Variants in PLXDC2 observed in about 807,000 individuals in gnomAD.
PLXDC2 encodes the protein plexin domain-containing protein 2.
In PLXDC2, 40 loss-of-function variants were observed where a neutral mutation model predicts 68.9. The ratio of observed to expected loss-of-function variants is 0.58; its 90% CI spans 0.45 to 0.76. PLXDC2 has a LOEUF of 0.76. Ranked by LOEUF, PLXDC2 falls within the 30% of genes least tolerant of loss-of-function variation. The probability of loss-of-function intolerance (pLI) is 0.00; values close to 1 mark genes in which losing one functional copy is unlikely to be tolerated. For missense variants in PLXDC2, 644 were observed against 661.9 expected (o/e 0.97, Z 0.30); for synonymous variants, 243 against 234.2 (o/e 1.04, Z -0.34).
chr10:19,991,246 C>CGAA (rs1834744853), intron 1 of PLXDC2, among the ~76,000 whole-genome samples: 10 of 130,640 alleles, frequency 7.7e-5, no homozygotes, highest in African/African-American at 2.8e-4. Flanking sequence ...AACTCTCTCT[C>CGAA]AAAAAAAAAA....
intron 1 of PLXDC2, among the ~76,000 whole-genome samples, chr10:19,994,842 G>A (rs992526909): frequency 2.0e-5 from 3 of 151,280 alleles, no homozygotes; most frequent in African/African-American, 7.3e-5. Context: ...TCCCGTGTTC[G>A]AGTAATTCTC....
At chr10:20,235,066 T>C (rs1031743569) in intron 12 of PLXDC2, among the ~76,000 whole-genome samples, 4 of 152,236 alleles carry the variant, frequency 2.6e-5, no homozygotes, top group Non-Finnish European at 5.9e-5. Flanking sequence ...GCTAGACTTT[T>C]GTTTTTCAAA....
chr10:19,828,674 T>C (rs764338603), intron 1 of PLXDC2, among the ~76,000 whole-genome samples: 27 of 152,320 alleles, frequency 1.8e-4, no homozygotes, highest in Non-Finnish European at 3.1e-4. Flanking sequence ...GCAAAACAGC[T>C]CCATGCAGGA....
intron 2 of PLXDC2, among the ~76,000 whole-genome samples, chr10:20,005,430 A>C (rs936686605): frequency 1.3e-5 from 2 of 152,192 alleles, no homozygotes; most frequent in Non-Finnish European, 2.9e-5. Context: ...TGCGGAAACA[A>C]AAATCTACCT....
At chr10:19,886,241 A>G (rs542832734) in intron 1 of PLXDC2, among the ~76,000 whole-genome samples, 149 of 152,304 alleles carry the variant, frequency 9.8e-4, no homozygotes, top group African/African-American at 3.5e-3. Context: ...TTATCAGCTT[A>G]AGGAGATTTT....
At chr10:20,138,433 G>A (rs1473463885) in intron 4 of PLXDC2, among the ~76,000 whole-genome samples, 2 of 152,100 alleles carry the variant, frequency 1.3e-5, no homozygotes, top group Non-Finnish European at 2.9e-5. Flanking sequence ...CTTTTGTAAG[G>A]CTGGACACAT....
At chr10:19,909,271 A>G (rs1487002750) in intron 1 of PLXDC2, among the ~76,000 whole-genome samples, 2 of 152,220 alleles carry the variant, frequency 1.3e-5, no homozygotes, top group African/African-American at 2.4e-5. Context: ...CACAGATGAG[A>G]TCGTGAAGCT....
chr10:20,188,160 A>G (rs1466751629), intron 9 of PLXDC2, among the ~76,000 whole-genome samples: 1 of 151,676 alleles, frequency 6.6e-6, no homozygotes, highest in Non-Finnish European at 1.5e-5. Flanking sequence ...TATATATTAA[A>G]ATAGTTAAAA....
Position 20,280,009 on chromosome 10 carries a change from C to G in PLXDC2, c.*190C>G. ...GGTAAACAAAAAACTAAAACTTATA[C>G]AAGATACCATTTACACTGAACATAG... On this transcript the variant is annotated 3_prime_UTR_variant, in exon 14 of 14. Coordinates refer to ENST00000377252, the MANE Select transcript of PLXDC2 (RefSeq NM_032812.9). 1.8e-6 allele frequency: 1 copy of G among 567,010 alleles called. No homozygotes were observed. Among genetic ancestry groups the G allele is most frequent in the Non-Finnish European group, 3.1e-6 (1 of 319,320 alleles). The allele number at this position is 567,010 out of a possible 1,614,324, so 35.1% of individuals were successfully genotyped here.
intron 4 of PLXDC2, among the ~76,000 whole-genome samples, chr10:20,089,310 G>A (rs748777700): frequency 1.3e-5 from 2 of 151,970 alleles, no homozygotes; most frequent in Non-Finnish European, 2.9e-5. Flanking sequence ...TACGGAAGAA[G>A]TAACATTTGG....
intron 4 of PLXDC2, among the ~76,000 whole-genome samples, chr10:20,089,257 C>G (rs990497227): frequency 2.6e-5 from 4 of 151,424 alleles, no homozygotes; most frequent in Non-Finnish European, 2.9e-5. Flanking sequence ...TTTGCAAGCT[C>G]AAACATAAAA....
At chr10:19,886,871 A>T (rs1315772951) in intron 1 of PLXDC2, among the ~76,000 whole-genome samples, 1 of 152,224 alleles carries the variant, frequency 6.6e-6, no homozygotes, top group Non-Finnish European at 1.5e-5. Context: ...CGTTCAACTC[A>T]ACAGAAAATG....
intron 6 of PLXDC2, among the ~76,000 whole-genome samples, chr10:20,160,525 C>G (rs1444462609): frequency 6.6e-6 from 1 of 152,010 alleles, no homozygotes; most frequent in Non-Finnish European, 1.5e-5. Context: ...AATTTGATAA[C>G]TGAAAGAATC....
intron 6 of PLXDC2, among the ~76,000 whole-genome samples, chr10:20,155,962 C>A (rs1312532610): frequency 6.6e-6 from 1 of 152,118 alleles, no homozygotes; most frequent in Non-Finnish European, 1.5e-5. Context: ...TCGCTGCAAC[C>A]TCTGCCTCCC....
chr10:20,164,333 A>G (rs1834344183), intron 6 of PLXDC2, 135 bp from the exon 7 acceptor site: 3 of 711,008 alleles, frequency 4.2e-6, no homozygotes, highest in East Asian at 2.7e-5. Context: ...TCTCTTTTCT[A>G]ATACCTTTGA....
chr10:19,902,291 A>G (rs563986407), intron 1 of PLXDC2, among the ~76,000 whole-genome samples: 1 of 152,220 alleles, frequency 6.6e-6, no homozygotes, highest in East Asian at 1.9e-4. Flanking sequence ...TATTGTTTCT[A>G]ACCATCCATG....
chr10:20,020,861 T>C (rs888101725), intron 2 of PLXDC2, among the ~76,000 whole-genome samples: 3 of 152,102 alleles, frequency 2.0e-5, no homozygotes, highest in Non-Finnish European at 4.4e-5. Flanking sequence ...ATAAGATAAA[T>C]AGTGTCCTAA....
chr10:19,817,287 A>C, intron 1 of PLXDC2, 96 bp downstream of exon 1: 1 of 1,005,354 alleles, frequency 9.9e-7, no homozygotes, highest in Non-Finnish European at 1.5e-6. Context: ...AACATCACCT[A>C]TCTGCCCTTG....
intron 1 of PLXDC2, among the ~76,000 whole-genome samples, chr10:19,866,072 G>A (rs1462638707): frequency 6.6e-6 from 1 of 152,180 alleles, no homozygotes; most frequent in Non-Finnish European, 1.5e-5. Flanking sequence ...TATCTTGTAG[G>A]TAATTTGTAG....
Sources: allele counts gnomAD v4.1 joint callset (sites outside exome capture counted in the v4.1 genomes callset), GRCh38; gene constraint gnomAD v4.1.1; transcripts MANE v1.5; gene names NCBI Gene and HGNC (gene_info 2026-07-23, HGNC 2026-07-21).